LRRK1: variants seen among roughly 807,000 people sequenced by gnomAD.
LRRK1 encodes the protein leucine-rich repeat serine/threonine-protein kinase 1.
Under a neutral mutation model 209.1 loss-of-function variants are expected in LRRK1, and 113 were observed. The ratio of observed to expected loss-of-function variants is 0.54; its 90% CI spans 0.46 to 0.63. The LOEUF (loss-of-function observed/expected upper bound fraction) is 0.63. Among genes scored for constraint, LRRK1 ranks in the 30% least tolerant of loss-of-function variants. The pLI is 0.00. For synonymous variants in LRRK1, 1,144 were observed against 1,099.7 expected, an observed-to-expected ratio of 1.04 and a Z score of -0.80; for missense variants, 2,284 against 2,632.2, an observed-to-expected ratio of 0.87 and a Z score of 2.89.
At chr15:100,945,482 C>CTTTTTTTTTTTTT (rs34038990) in intron 2 of LRRK1, among the ~76,000 whole-genome samples, 1 of 63,572 alleles carries the variant, frequency 1.6e-5, no homozygotes, top group Non-Finnish European at 2.9e-5. Flanking sequence ...TGCAGAGCCT[C>CTTTTTTTTTTTTT]TTTTTTTTTT....
chr15:100,997,637 G>T (rs1374605845), intron 6 of LRRK1, among the ~76,000 whole-genome samples: 1 of 152,228 alleles, frequency 6.6e-6, no homozygotes, highest in Non-Finnish European at 1.5e-5. Context: ...AAGACATTTG[G>T]CAGAGCACAG....
rs972904398 is a variant in LRRK1 at position 101,035,795 on chromosome 15, C to A, written c.2963+6563C>A. Among the ~76,000 whole-genome samples, 3 of 152,106 alleles carry A rather than the reference C, an allele frequency of 2.0e-5. No homozygotes were observed. In the East Asian group the frequency reaches 5.8e-4, roughly 29 times the overall value. On this transcript the variant is annotated intron_variant, in intron 20 of 33. Coordinates refer to ENST00000388948, the MANE Select transcript of LRRK1 (RefSeq NM_024652.6). ...TTTCTGTGGTGGTACCATTTGAGTC[C>A]TTTCTCTTCCTCATTTGAGTGTTTG... is the stretch of plus-strand genomic sequence containing the variant.
rs866163127 is a variant in LRRK1 at position 101,062,768 on chromosome 15, G to A, written c.4914+78G>A. 1.5e-5 allele frequency: 16 copies of A among 1,064,650 alleles called. No homozygotes were observed. The South Asian group carries it at 1.6e-4, about 11-fold the overall frequency. 66.0% of individuals were successfully genotyped at this position (1,064,650 alleles called of 1,614,324 possible). A position where few individuals can be genotyped will look rare whatever the true frequency, so the allele number is the denominator to read the frequency against. Reference sequence around the variant, plus strand: ...AGGAGGCGTCTCCTAGCTATGTCAGGGTGGCGCCTGCAGAGCCACACCTAG... The same window carrying A: ...AGGAGGCGTCTCCTAGCTATGTCAGAGTGGCGCCTGCAGAGCCACACCTAG... On this transcript the variant is annotated intron_variant, in intron 31 of 33. Transcript: ENST00000388948.
intron 2 of LRRK1, among the ~76,000 whole-genome samples, chr15:100,965,427 G>A (rs1009441094): frequency 1.3e-5 from 2 of 152,176 alleles, no homozygotes; most frequent in Admixed American, 1.3e-4. Context: ...CTAACCAAAT[G>A]CTTCTTTATG....
chr15:101,032,914 C>T (rs1299620135), intron 20 of LRRK1, among the ~76,000 whole-genome samples: 2 of 152,172 alleles, frequency 1.3e-5, no homozygotes, highest in African/African-American at 4.8e-5. Flanking sequence ...GACTTGAAAT[C>T]AGGTTGCGTG....
intron 29 of LRRK1, among the ~76,000 whole-genome samples, chr15:101,058,405 G>C (rs1418543660): frequency 6.6e-6 from 1 of 151,940 alleles, no homozygotes; most frequent in Non-Finnish European, 1.5e-5. Context: ...GGGCACTGTG[G>C]CATGTGCCTA....
chr15:101,045,805 T>C (rs2035042258), intron 20 of LRRK1, among the ~76,000 whole-genome samples, 176 bp from the exon 21 acceptor site: 1 of 152,254 alleles, frequency 6.6e-6, no homozygotes, highest in African/African-American at 2.4e-5. Context: ...ATTCTTAGCA[T>C]ATAAACCACG....
In LRRK1 at chr15:101,023,337, T is replaced by A. The variant is rs575808775; in HGVS notation, c.2067+740T>A. On this transcript the variant is annotated intron_variant, in intron 15 of 33. Coordinates refer to ENST00000388948, the MANE Select transcript of LRRK1 (RefSeq NM_024652.6). ...GAGCAAGACTCCATTCAAAAAAAAT[T>A]TTTTGAGTCCATCCATAAACTTCTT... 1.6e-3 allele frequency among the ~76,000 whole-genome samples: 251 copies of A among 152,140 alleles called. 1 individual carries two copies. Among genetic ancestry groups the A allele is most frequent in the Non-Finnish European group, 2.2e-3 (152 of 68,010 alleles).
At chr15:101,052,862 C>G in intron 24 of LRRK1, 60 bp from the exon 25 acceptor site, 1 of 1,566,332 alleles carries the variant, frequency 6.4e-7, no homozygotes, top group South Asian at 1.2e-5. Context: ...AATGACCCAG[C>G]CCAGGACCCA....
Position 101,021,124 on chromosome 15 carries a change from G to T in LRRK1, c.1681G>T (p.Asp561Tyr), listed in dbSNP as rs761695009. The part of the protein sequence containing the change: ...EVLCLNDNHL[D>Y]TVPPSVCLLK... ...CCTTTGCCTGAACGACAACCACCTC[G>T]ACACAGTCCCTCCCTCGGTTTGCCT... Residue 561 changes from aspartate (D) to tyrosine (Y), a missense_variant, in exon 13 of 34, where the codon GAC (aspartate) becomes TAC (tyrosine). By Grantham distance (160) the Asp-to-Tyr change is radical (BLOSUM62 -3). Around this residue, in one of 6 missense-constraint regions of LRRK1, gnomAD observed 494 missense variants for 522.1 expected, o/e 0.95. Coordinates refer to ENST00000388948, the MANE Select transcript of LRRK1 (RefSeq NM_024652.6). 1 of 1,614,086 alleles carries T rather than the reference G, an allele frequency of 6.2e-7. No individual in the cohort carries two copies. Among genetic ancestry groups the T allele is most frequent in the Admixed American group, 1.7e-5 (1 of 60,014 alleles).
At chr15:101,008,762 CCTTG>C (rs1449421365) in intron 6 of LRRK1, 71 bp from the exon 7 acceptor site, 8 of 1,152,838 alleles carry the variant, frequency 6.9e-6, no homozygotes, top group Non-Finnish European at 1.0e-5. Flanking sequence ...TTGCATTAAC[CCTTG>C]CTTTATTCCA....
In LRRK1 at chr15:101,074,275, A is replaced by C; in HGVS notation, c.*5427A>C. 6.6e-6 allele frequency: 1 copy of C among 151,898 alleles called. No homozygotes were observed. The highest frequency in any genetic ancestry group is 1.5e-5 in the Non-Finnish European group (1 of 67,998). The allele number at this position is 151,898 out of a possible 1,614,324, so 9.4% of individuals were successfully genotyped here. A position where few individuals can be genotyped will look rare whatever the true frequency, so the allele number is the denominator to read the frequency against. On this transcript the variant is annotated 3_prime_UTR_variant, in exon 34 of 34. Coordinates refer to ENST00000388948, the MANE Select transcript of LRRK1 (RefSeq NM_024652.6). ...TCCTCAGCCTCCGCTCCTCCACCAT[A>C]TAATCTTTTTATCACCTCCCCTCCT...
At chr15:100,971,290 C>T (rs918995029) in intron 2 of LRRK1, among the ~76,000 whole-genome samples, 9 of 148,726 alleles carry the variant, frequency 6.1e-5, no homozygotes, top group Non-Finnish European at 8.9e-5. Context: ...GCCGAGATCG[C>T]GCCACTGCAC....
chr15:100,937,366 A>G (rs762145861), intron 2 of LRRK1, among the ~76,000 whole-genome samples: 2 of 152,170 alleles, frequency 1.3e-5, no homozygotes, highest in South Asian at 4.1e-4. Context: ...CAGGGCTACT[A>G]TTTAGTTCCC....
At chr15:100,998,864 T>C (rs1215479849) in intron 6 of LRRK1, among the ~76,000 whole-genome samples, 2 of 150,824 alleles carry the variant, frequency 1.3e-5, no homozygotes, top group Admixed American at 6.6e-5. Flanking sequence ...GGGTGGATGA[T>C]TGCATGGTTG....
At chr15:101,065,180 A>C in intron 31 of LRRK1, 172 bp from the exon 32 acceptor site, 2 of 678,582 alleles carry the variant, frequency 2.9e-6, no homozygotes, top group Non-Finnish European at 4.9e-6. Context: ...TCAGAGCTGC[A>C]CTTCTTTAGG....
At chr15:101,061,557 G>T (rs566283464) in intron 30 of LRRK1, among the ~76,000 whole-genome samples, 16 of 152,362 alleles carry the variant, frequency 1.1e-4, no homozygotes, top group Admixed American at 3.3e-4. Flanking sequence ...AGCAGGAGAC[G>T]AGACCCAGGA....
At position 101,068,806 on chromosome 15, in the gene LRRK1, G is replaced by C. The variant is rs983155331; in HGVS notation, c.6006G>C (p.Glu2002Asp). The change falls in exon 34 of 34, where the codon GAG becomes GAC. Residue 2002 changes from glutamate to aspartate, a missense_variant. Around this residue, in one of 6 missense-constraint regions of LRRK1, gnomAD observed 643 missense variants for 695.9 expected, o/e 0.92. Transcript: ENST00000388948. ...REFDIFYQSY[E>D]ELGRLEACTR... ...TCGACATTTTCTACCAGTCCTACGA[G>C]GAGCTGGGCCGGCTGGAGGCTTGCA... 2.5e-6 allele frequency: 4 copies of C among 1,611,848 alleles called. No individual in the cohort carries two copies. The highest frequency in any genetic ancestry group is 1.3e-5 in the African/African-American group (1 of 74,962).
chr15:101,033,902 C>T (rs950823844), intron 20 of LRRK1, among the ~76,000 whole-genome samples: 9 of 152,140 alleles, frequency 5.9e-5, no homozygotes, highest in African/African-American at 2.2e-4. Context: ...AAGAGTTTTT[C>T]TTTTCTCTGC....
Sources: gnomAD v4.1 joint callset for allele counts (sites outside exome capture counted in the v4.1 genomes callset) on GRCh38, gnomAD v4.1.1 for gene constraint, gnomAD v4.1.1 regional missense constraint, MANE v1.5 for transcripts, NCBI Gene and HGNC (gene_info 2026-07-23, HGNC 2026-07-21) for gene names.